The following SHROOM2 variants were observed in gnomAD, a reference collection of about 807,000 sequenced individuals.
The protein encoded by SHROOM2 is protein Shroom2.
In SHROOM2, 33 loss-of-function variants were observed where a neutral mutation model predicts 75.9. The ratio of observed to expected loss-of-function variants is 0.43; its 90% confidence interval spans 0.33 to 0.58. The LOEUF is 0.58. SHROOM2 is among the 20% of genes least tolerant of loss of function. SHROOM2 has a pLI of 0.04. For synonymous variants in SHROOM2, 655 were observed against 663.6 expected, an observed-to-expected ratio of 0.99 and a Z score of 0.20; for missense variants, 1,434 against 1,461.2, an observed-to-expected ratio of 0.98 and a Z score of 0.30.
intron 2 of SHROOM2, among the ~76,000 whole-genome samples, chrX:9,884,293 G>GGGA (rs2084247894): frequency 9.1e-6 from 1 of 109,787 alleles, no homozygotes; most frequent in Admixed American, 9.7e-5. Flanking sequence ...TATTTGTCTT[G>GGGA]GGAGGAGGTG....
chrX:9,832,562 G>A (rs1453476381), intron 1 of SHROOM2, among the ~76,000 whole-genome samples: 1 of 112,034 alleles, frequency 8.9e-6, no homozygotes, highest in Non-Finnish European at 1.9e-5. Context: ...TTACCCAGTA[G>A]GCACATGGGA....
chrX:9,859,311 A>G (rs141697666), intron 1 of SHROOM2, among the ~76,000 whole-genome samples: 2 of 112,486 alleles, frequency 1.8e-5, no homozygotes, highest in East Asian at 5.6e-4. Flanking sequence ...CTTATGTTCG[A>G]TGATTCTTTT....
chrX:9,898,806 C>T (rs1051148673), intron 5 of SHROOM2, among the ~76,000 whole-genome samples: 1 of 111,721 alleles, frequency 9.0e-6, no homozygotes, highest in African/African-American at 3.3e-5. Context: ...AAATAGAAAT[C>T]GAGTTAGTCA....
intron 2 of SHROOM2, among the ~76,000 whole-genome samples, chrX:9,882,631 CAT>C (rs1235096862): frequency 1.9e-4 from 21 of 111,981 alleles, no homozygotes; most frequent in Admixed American, 7.6e-4. Flanking sequence ...GCTTCTGTGG[CAT>C]TCCTCTGCAG....
intron 2 of SHROOM2, among the ~76,000 whole-genome samples, chrX:9,883,717 C>G (rs1334551936): frequency 9.0e-6 from 1 of 111,102 alleles, no homozygotes; most frequent in Non-Finnish European, 1.9e-5. Context: ...GCAGGAGGTG[C>G]AGGCAGACTG....
chrX:9,900,202 C>T (rs897151363), intron 5 of SHROOM2, among the ~76,000 whole-genome samples: 3 of 110,315 alleles, frequency 2.7e-5, no homozygotes, highest in Admixed American at 9.6e-5. Flanking sequence ...TTGTTGGGTG[C>T]GGTTTTTTTT....
At chrX:9,884,320 T>G (rs1249456814) in intron 2 of SHROOM2, among the ~76,000 whole-genome samples, 1 of 107,936 alleles carries the variant, frequency 9.3e-6, no homozygotes, top group Non-Finnish European at 1.9e-5. Context: ...TGCTTTCTTC[T>G]AAAAGGTTAG....
At chrX:9,808,722 C>T (rs998698618) in intron 1 of SHROOM2, among the ~76,000 whole-genome samples, 17 of 109,941 alleles carry the variant, frequency 1.5e-4, no homozygotes, top group Middle Eastern at 4.6e-3. Context: ...ATTAGCCAGG[C>T]GTGGTATCAG....
At chrX:9,797,296 C>T (rs1458339539) in intron 1 of SHROOM2, among the ~76,000 whole-genome samples, 9 of 112,492 alleles carry the variant, frequency 8.0e-5, no homozygotes, top group Non-Finnish European at 1.7e-4. Context: ...AGTTCATCAG[C>T]GTGGATCCCT....
intron 5 of SHROOM2, among the ~76,000 whole-genome samples, chrX:9,908,399 T>C (rs2084402924): frequency 8.9e-6 from 1 of 112,126 alleles, no homozygotes; most frequent in Admixed American, 9.5e-5. Context: ...TTCTGTTCTT[T>C]TTTTATGTGT....
chrX:9,879,386 C>T (rs1195636586), intron 2 of SHROOM2, among the ~76,000 whole-genome samples: 2 of 111,839 alleles, frequency 1.8e-5, no homozygotes, highest in Non-Finnish European at 3.8e-5. Context: ...TCAGCCTCCC[C>T]AGTAGCTGGG....
chrX:9,862,200 G>A (rs898880207), intron 1 of SHROOM2, among the ~76,000 whole-genome samples: 6 of 111,084 alleles, frequency 5.4e-5, no homozygotes, highest in African/African-American at 2.0e-4. Context: ...ATCTATTATC[G>A]ACGAATTATT....
At chrX:9,808,856 C>T (rs748021145) in intron 1 of SHROOM2, among the ~76,000 whole-genome samples, 3 of 109,521 alleles carry the variant, frequency 2.7e-5, no homozygotes, top group Non-Finnish European at 5.7e-5. Flanking sequence ...GAGTGAACTT[C>T]GTCTCAAAAA....
intron 1 of SHROOM2, among the ~76,000 whole-genome samples, chrX:9,794,704 A>G (rs1357221018): frequency 8.9e-6 from 1 of 112,010 alleles, no homozygotes; most frequent in Non-Finnish European, 1.9e-5. Flanking sequence ...CTACTGTCTC[A>G]GTAAATTCTT....
chrX:9,908,977 AC>A (rs1220033388), intron 5 of SHROOM2, among the ~76,000 whole-genome samples: 1 of 110,749 alleles, frequency 9.0e-6, no homozygotes, highest in Non-Finnish European at 1.9e-5. Flanking sequence ...ATAAATAAAA[AC>A]AAAAATAAAA....
chrX:9,924,426 G>A (rs138855753), intron 5 of SHROOM2, among the ~76,000 whole-genome samples: 7,217 of 111,487 alleles, frequency 0.065, 231 homozygotes, highest in Non-Finnish European at 0.099. Flanking sequence ...CATGATCATC[G>A]CTCACTGCAG....
chrX:9,819,519 A>T (rs188070984), intron 1 of SHROOM2: 59 of 235,880 alleles, frequency 2.5e-4, no homozygotes, highest in African/African-American at 1.5e-3. Context: ...CTTTGATTGC[A>T]GCTTTTTTAT....
intron 7 of SHROOM2, among the ~76,000 whole-genome samples, chrX:9,938,111 GC>G (rs34928627): frequency 0.18 from 19,578 of 109,615 alleles, 1,365 homozygotes; most frequent in Middle Eastern, 0.23. Flanking sequence ...GCACAGGAGG[GC>G]CCCCCCCACA....
At chrX:9,940,854 C>G (rs999784448) in intron 8 of SHROOM2, among the ~76,000 whole-genome samples, 2 of 111,404 alleles carry the variant, frequency 1.8e-5, no homozygotes, top group African/African-American at 6.5e-5. Flanking sequence ...CCACAGTTGT[C>G]TCAGTCACAG....
Sources: allele counts gnomAD v4.1 joint callset (sites outside exome capture counted in the v4.1 genomes callset), GRCh38; gene constraint gnomAD v4.1.1; transcripts MANE v1.5; gene names NCBI Gene and HGNC (gene_info 2026-07-23, HGNC 2026-07-21).